Variants in GSK3A observed in about 807,000 individuals in gnomAD.
The protein encoded by GSK3A is glycogen synthase kinase 3 alpha, also known as glycogen synthase kinase-3 alpha.
In GSK3A, 14 loss-of-function variants were observed where a neutral mutation model predicts 56.6. The observed-to-expected ratio is 0.25, with a 90% confidence interval of 0.16 to 0.39. GSK3A has a LOEUF of 0.39. GSK3A is among the 10% of genes least tolerant of loss of function. The probability of loss-of-function intolerance (pLI) is 1.00; values close to 1 mark genes in which losing one functional copy is unlikely to be tolerated. For missense variants in GSK3A, 450 were observed against 656.0 expected, an observed-to-expected ratio of 0.69 and a Z score of 3.43; for synonymous variants, 301 against 285.0, an observed-to-expected ratio of 1.06 and a Z score of -0.56.
chr19:42,242,367 G>GCCGCCTCCT lies in GSK3A; in HGVS notation c.90_98dup (p.Gly33_Gly35dup), dbSNP rs896746024. The GCCGCCTCCT allele has an allele frequency of 1.8e-5, 25 of 1,400,518 alleles. No individual in the cohort carries two copies. The highest frequency in any genetic ancestry group is 3.0e-5 in the South Asian group (2 of 66,092). The allele number at this position is 1,400,518 out of a possible 1,614,324, so 86.8% of individuals were successfully genotyped here. On this transcript the variant is annotated inframe_insertion, in exon 1 of 11. Transcript: ENST00000222330. ...CGGAGGCCGAGCCTCCGGGGCCGCC[G>GCCGCCTCCT]CCGCCTCCTCCGCCTCCGCCGCCGG...
Position 42,242,514 on chromosome 19 carries a change from C to T in GSK3A, c.-49G>A. The T allele has an allele frequency of 9.6e-7, 1 of 1,040,560 alleles. No homozygotes were observed. Among genetic ancestry groups the T allele is most frequent in the Non-Finnish European group, 1.2e-6 (1 of 866,242 alleles). The allele number at this position is 1,040,560 out of a possible 1,614,324, so 64.5% of individuals were successfully genotyped here. On this transcript the variant is annotated 5_prime_UTR_variant, in exon 1 of 11. Coordinates refer to ENST00000222330, the MANE Select transcript of GSK3A (RefSeq NM_019884.3). The stretch of plus-strand genomic sequence containing the variant: ...GCGGGGCTCGGGCTGCCCGGGCTGC[C>T]CCAGCCGCCGCCGCTGCCGCCGCCT...
Position 42,232,602 on chromosome 19 carries a change from G to A in GSK3A, c.1179C>T (p.Ser393=). ...AGCTGTGCGCACAGGCCTCTAGTGGGGAGAGCCTTGAGGATGGGGTGTACT... is the reference window on the plus strand; with the variant it reads ...AGCTGTGCGCACAGGCCTCTAGTGGAGAGAGCCTTGAGGATGGGGTGTACT... The part of the protein sequence containing the change: ...LLEYTPSSRL[S]PLEACAHSFF... The change falls in exon 9 of 11, where the codon TCC becomes TCT. Residue 393 remains serine, a synonymous_variant. Transcript: ENST00000222330. The A allele has an allele frequency of 6.2e-7, 1 of 1,613,908 alleles. No homozygotes were observed. Among genetic ancestry groups the A allele is most frequent in the Non-Finnish European group, 8.5e-7 (1 of 1,179,826 alleles).
rs764143628 is a variant in GSK3A at position 42,234,559 on chromosome 19, G to A, written c.786C>T (p.Cys262=). The A allele has an allele frequency of 2.5e-6, 4 of 1,613,384 alleles. No individual in the cohort carries two copies. The highest frequency in any genetic ancestry group is 1.3e-5 in the African/African-American group (1 of 75,030). Reference sequence around the variant, plus strand: ...TGCCCCAGGCCCACCTGCCAAAATCGCAGAGCTTGAGGACAGCAGTGTCAG... The same window carrying A: ...TGCCCCAGGCCCACCTGCCAAAATCACAGAGCTTGAGGACAGCAGTGTCAG... ...VDPDTAVLKL[C]DFGSAKQLVR... Residue 262 remains cysteine, a synonymous_variant, in exon 5 of 11, where the codon TGC becomes TGT. Transcript: ENST00000222330. The surrounding 1 kb of genome is among the most constrained non-coding windows in gnomAD (Gnocchi z 5.7).
chr19:42,237,560 T>G (rs1481183996), intron 2 of GSK3A, among the ~76,000 whole-genome samples: 1 of 151,914 alleles, frequency 6.6e-6, no homozygotes, highest in Non-Finnish European at 1.5e-5. Flanking sequence ...TTCTGATTTT[T>G]TTCTCCAAAA....
chr19:42,230,559 C>T lies in GSK3A; in HGVS notation c.*235G>A. 1.8e-6 allele frequency: 1 copy of T among 558,366 alleles called. No homozygotes were observed. Among genetic ancestry groups the T allele is most frequent in the South Asian group, 2.2e-5 (1 of 44,450 alleles). 34.6% of individuals were successfully genotyped at this position (558,366 alleles called of 1,614,324 possible). On this transcript the variant is annotated 3_prime_UTR_variant, in exon 11 of 11. Coordinates refer to ENST00000222330, the MANE Select transcript of GSK3A (RefSeq NM_019884.3). ...GCCAAGGGGGTAGGAGGTCCTCATCCCCCCAACACCCTGTCCTTCTCTTCC... is the reference window on the plus strand; with the variant it reads ...GCCAAGGGGGTAGGAGGTCCTCATCTCCCCAACACCCTGTCCTTCTCTTCC...
chr19:42,232,873 G>A (rs1208964947), intron 8 of GSK3A, 191 bp from the exon 9 acceptor site: 1 of 591,470 alleles, frequency 1.7e-6, no homozygotes, highest in Non-Finnish European at 2.9e-6. Flanking sequence ...GGCAGCCCAG[G>A]TCTGGGACTA....
intron 2 of GSK3A, 62 bp from the exon 3 acceptor site, chr19:42,237,003 ACACT>A: frequency 8.8e-7 from 1 of 1,139,530 alleles, no homozygotes. Flanking sequence ...CTCCCTACTC[ACACT>A]CACTCCCAAC....
chr19:42,238,000 C>T (rs1401273311), intron 2 of GSK3A, among the ~76,000 whole-genome samples: 1 of 151,996 alleles, frequency 6.6e-6, no homozygotes, highest in Non-Finnish European at 1.5e-5. Flanking sequence ...CTGCCTCGGG[C>T]TCTCCAAGTT....
chr19:42,235,042 A>G (rs1217009117), intron 4 of GSK3A, among the ~76,000 whole-genome samples: 12 of 151,976 alleles, frequency 7.9e-5, no homozygotes, highest in African/African-American at 2.4e-4. Flanking sequence ...CAGAAGAATC[A>G]CTTGAACTCA....
intron 7 of GSK3A, 34 bp from the exon 8 acceptor site, chr19:42,233,239 C>T (rs775750857): frequency 3.1e-6 from 5 of 1,590,880 alleles, no homozygotes; most frequent in Non-Finnish European, 3.4e-6. Context: ...AGACAAGGGC[C>T]CCATCCCTCA....
In GSK3A at chr19:42,234,446, C is replaced by G; in HGVS notation, c.811G>C (p.Val271Leu). ...LCDFGSAKQL[V>L]RGEPNVSYIC... Reference sequence around the variant, plus strand: ...TAGGAGACATTGGGCTCCCCTCGGACCAACTGCTTTGCACTGTGGGAAGAG... The same window carrying G: ...TAGGAGACATTGGGCTCCCCTCGGAGCAACTGCTTTGCACTGTGGGAAGAG... Residue 271 changes from valine (V) to leucine (L), a missense_variant, in exon 6 of 11, where the codon GTC becomes CTC. Val to Leu is a conservative substitution (Grantham distance 32). Transcript: ENST00000222330. This position sits in a 1 kb window ranked among gnomAD's most constrained non-coding sequence, Gnocchi z 5.7. The G allele has an allele frequency of 6.2e-7, 1 of 1,614,188 alleles. No homozygotes were observed. Among genetic ancestry groups the G allele is most frequent in the Non-Finnish European group, 8.5e-7 (1 of 1,180,012 alleles).
chr19:42,232,462 GC>G, intron 9 of GSK3A, 33 bp downstream of exon 9: 1 of 1,597,628 alleles, frequency 6.3e-7, no homozygotes. Context: ...CCCCTACCCC[GC>G]CCCACTCCCC....
intron 2 of GSK3A, 89 bp from the exon 3 acceptor site, chr19:42,237,030 G>A (rs1050633936): frequency 9.9e-5 from 87 of 877,788 alleles, no homozygotes; most frequent in Middle Eastern, 2.5e-4. Flanking sequence ...CAGCCAGGCA[G>A]CTACTCCCTG....
chr19:42,236,954 G>C lies in GSK3A; in HGVS notation c.472-13C>G. ...GCAGCTCTCGGTTCTTGAGGGCAAAGGGAGAGTCTCAGAATACAACCAACT... is the reference window on the plus strand; with the variant it reads ...GCAGCTCTCGGTTCTTGAGGGCAAACGGAGAGTCTCAGAATACAACCAACT... On this transcript the variant is annotated splice_polypyrimidine_tract_variant and intron_variant, in intron 2 of 10. Transcript: ENST00000222330. 1.9e-6 allele frequency: 3 copies of C among 1,582,366 alleles called. No homozygotes were observed. Among genetic ancestry groups the C allele is most frequent in the Non-Finnish European group, 2.6e-6 (3 of 1,151,160 alleles).
chr19:42,240,216 G>A (rs754842885), intron 1 of GSK3A, 74 bp from the exon 2 acceptor site: 12 of 1,386,096 alleles, frequency 8.7e-6, no homozygotes, highest in Admixed American at 8.4e-5. Context: ...GGCTGTGGGA[G>A]GAAGGGAAAT....
intron 6 of GSK3A, among the ~76,000 whole-genome samples, 191 bp from the exon 7 acceptor site, chr19:42,233,574 G>C (rs1054599211): frequency 6.6e-6 from 1 of 152,144 alleles, no homozygotes; most frequent in African/African-American, 2.4e-5. Flanking sequence ...GTACTCTCTA[G>C]TCTAGGTGTG....
At chr19:42,241,290 C>T (rs1452202111) in intron 1 of GSK3A, 1 of 152,248 alleles carries the variant, frequency 6.6e-6, no homozygotes, top group Non-Finnish European at 1.5e-5. Context: ...GCCACCGCGC[C>T]CGGCCACCAA....
At chr19:42,239,787 C>G (rs1018717169) in intron 2 of GSK3A, among the ~76,000 whole-genome samples, 168 bp downstream of exon 2, 3 of 152,192 alleles carry the variant, frequency 2.0e-5, no homozygotes, top group African/African-American at 7.2e-5. Flanking sequence ...AAGCTCTGGG[C>G]TCTCCTGGGA....
rs745963375 is a variant in GSK3A at position 42,234,328 on chromosome 19, C to A, written c.904+25G>T. The A allele has an allele frequency of 5.1e-6, 8 of 1,573,256 alleles. No individual in the cohort carries two copies. The South Asian group carries it at 8.9e-5, about 17-fold the overall frequency. On this transcript the variant is annotated intron_variant, in intron 6 of 10. Transcript: ENST00000222330. The surrounding 1 kb of genome is among the most constrained non-coding windows in gnomAD (Gnocchi z 5.7). ...CAAAACTTCCCAGATTGCCACTCCC[C>A]CCGCCACCCTCCCATAACTCTGACC...
Sources: allele counts gnomAD v4.1 joint callset (sites outside exome capture counted in the v4.1 genomes callset), GRCh38; gene constraint gnomAD v4.1.1; non-coding constraint Gnocchi (gnomAD v3.1); transcripts MANE v1.5; gene names NCBI Gene and HGNC (gene_info 2026-07-23, HGNC 2026-07-21).